ANKMY2: variants seen among roughly 807,000 people sequenced by gnomAD.
ANKMY2 encodes ankyrin repeat and MYND domain-containing protein 2.
ANKMY2 carries 36 observed loss-of-function variants against 50.4 expected under a neutral mutation model. The ratio of observed to expected loss-of-function variants is 0.71; its 90% CI spans 0.55 to 0.94. The LOEUF (loss-of-function observed/expected upper bound fraction) is 0.94, where lower values mean the gene tolerates loss of function less well. Among genes scored for constraint, ANKMY2 ranks in the 40% least tolerant of loss-of-function variants. ANKMY2 has a pLI of 0.00. For missense variants in ANKMY2, 565 were observed against 524.0 expected (o/e 1.08, Z -0.76); for synonymous variants, 187 against 178.8 (o/e 1.05, Z -0.36).
At chr7:16,607,779 A>T (rs1781185162) in intron 7 of ANKMY2, among the ~76,000 whole-genome samples, 1 of 150,624 alleles carries the variant, frequency 6.6e-6, no homozygotes, top group Non-Finnish European at 1.5e-5. Context: ...TGGAAATCCC[A>T]CATAACAGGT....
chr7:16,600,359 C>G lies in ANKMY2; in HGVS notation c.*402G>C, dbSNP rs553364489. On this transcript the variant is annotated 3_prime_UTR_variant, in exon 10 of 10. Transcript: ENST00000306999. ...CACATATAAGTTATGATTTTTCTAA[C>G]TACCCTCTGTAGCTATAAATTTTTC... The G allele has an allele frequency of 6.5e-6, 1 of 154,824 alleles. No individual in the cohort carries two copies. Among genetic ancestry groups the G allele is most frequent in the Non-Finnish European group, 1.4e-5 (1 of 69,678 alleles). The allele number at this position is 154,824 out of a possible 1,614,324, so 9.6% of individuals were successfully genotyped here.
At chr7:16,609,403 G>A (rs372687311) in intron 7 of ANKMY2, among the ~76,000 whole-genome samples, 6 of 152,142 alleles carry the variant, frequency 3.9e-5, no homozygotes, top group Non-Finnish European at 5.9e-5. Context: ...TCAACATAGC[G>A]ACGTCCTGTT....
chr7:16,622,757 TAAATAA>T, intron 4 of ANKMY2, among the ~76,000 whole-genome samples: 1 of 65,680 alleles, frequency 1.5e-5, no homozygotes, highest in Non-Finnish European at 3.4e-5. Context: ...AATGAATAAA[TAAATAA>T]ATAAATAAAT....
intron 5 of ANKMY2, among the ~76,000 whole-genome samples, chr7:16,614,225 G>A (rs1781304748): frequency 6.6e-6 from 1 of 152,188 alleles, no homozygotes; most frequent in Non-Finnish European, 1.5e-5. Context: ...CCCTAGGTAT[G>A]CTGGGAGGGA....
intron 2 of ANKMY2, among the ~76,000 whole-genome samples, chr7:16,628,275 T>C (rs1490954522): frequency 6.6e-6 from 1 of 152,166 alleles, no homozygotes; most frequent in Non-Finnish European, 1.5e-5. Context: ...TCTTGATGCT[T>C]CCAGATTATT....
intron 1 of ANKMY2, among the ~76,000 whole-genome samples, chr7:16,639,608 T>A (rs1184957609): frequency 6.6e-6 from 1 of 152,038 alleles, no homozygotes; most frequent in East Asian, 1.9e-4. Flanking sequence ...TGAGACCCCA[T>A]CTCTACAAAA....
chr7:16,605,417 A>G lies in ANKMY2; in HGVS notation c.883-568T>C, dbSNP rs184769078. On this transcript the variant is annotated intron_variant, in intron 7 of 9. Coordinates refer to ENST00000306999, the MANE Select transcript of ANKMY2 (RefSeq NM_020319.3). ...AACACACATGCAGCAATTGAATCAA[A>G]GTATTAAGAAAAACCAAATGTGTGA... Among the ~76,000 whole-genome samples the G allele has an allele frequency of 7.2e-3, 1,090 of 152,346 alleles. 9 individuals are homozygous for G. Among genetic ancestry groups the G allele is most frequent in the African/African-American group, 0.025 (1,052 of 41,584 alleles).
At chr7:16,615,667 G>A (rs755617221) in intron 5 of ANKMY2, 77 bp downstream of exon 5, 22 of 1,571,344 alleles carry the variant, frequency 1.4e-5, no homozygotes, top group Middle Eastern at 1.7e-4. Flanking sequence ...AGACAATTAT[G>A]ATCCTGTATA....
intron 9 of ANKMY2, among the ~76,000 whole-genome samples, chr7:16,601,325 G>A (rs928245130): frequency 1.3e-5 from 2 of 152,196 alleles, no homozygotes; most frequent in African/African-American, 4.8e-5. Flanking sequence ...TAATATGCAG[G>A]TAATAAAGGC....
chr7:16,628,372 C>T (rs1781535030), intron 2 of ANKMY2, among the ~76,000 whole-genome samples: 1 of 152,070 alleles, frequency 6.6e-6, no homozygotes, highest in African/African-American at 2.4e-5. Context: ...GAGGCTGGGA[C>T]CTTTCAGTTG....
chr7:16,613,001 A>C (rs1781279683), intron 5 of ANKMY2, among the ~76,000 whole-genome samples: 1 of 152,164 alleles, frequency 6.6e-6, no homozygotes, highest in African/African-American at 2.4e-5. Flanking sequence ...CCTATTTTTA[A>C]AAACTGCTAA....
chr7:16,603,323 G>T (rs368347960), intron 8 of ANKMY2, among the ~76,000 whole-genome samples: 69 of 152,306 alleles, frequency 4.5e-4, no homozygotes, highest in African/African-American at 1.6e-3. Context: ...ATGTAAGAGT[G>T]ATGGAGGCAT....
intron 9 of ANKMY2, among the ~76,000 whole-genome samples, chr7:16,601,787 T>A (rs1216483033): frequency 6.6e-6 from 1 of 152,160 alleles, no homozygotes; most frequent in Non-Finnish European, 1.5e-5. Flanking sequence ...TCCAATCTGA[T>A]AATCACTGCT....
At chr7:16,617,917 GTTTTTTT>G (rs780533044) in intron 4 of ANKMY2, among the ~76,000 whole-genome samples, 27 of 110,902 alleles carry the variant, frequency 2.4e-4, no homozygotes, top group African/African-American at 9.1e-4. Flanking sequence ...CAGTGAGCGT[GTTTTTTT>G]TTTTTTTTTT....
rs1781228892 is a variant in ANKMY2 at position 16,610,415 on chromosome 7, A to G, written c.746+134T>C. ...AGTATAATATTATTCTCTGTTTGTC[A>G]AAGACTAAATGTGAGTCCAACAACA... is the stretch of plus-strand genomic sequence containing the variant. On this transcript the variant is annotated intron_variant, in intron 6 of 9. Coordinates refer to ENST00000306999, the MANE Select transcript of ANKMY2 (RefSeq NM_020319.3). The G allele has an allele frequency of 7.4e-6, 5 of 672,522 alleles. No individual in the cohort carries two copies. In the South Asian group the frequency reaches 9.9e-5, roughly 13 times the overall value. 41.7% of individuals were successfully genotyped at this position (672,522 alleles called of 1,614,324 possible).
chr7:16,643,783 C>CCGAG (rs1425741819), intron 1 of ANKMY2, among the ~76,000 whole-genome samples: 1 of 151,328 alleles, frequency 6.6e-6, no homozygotes, highest in African/African-American at 2.5e-5. Flanking sequence ...CTTAGGGAGG[C>CCGAG]CGAGGCAGGA....
At chr7:16,632,195 T>G (rs1465330759) in intron 2 of ANKMY2, among the ~76,000 whole-genome samples, 2 of 151,854 alleles carry the variant, frequency 1.3e-5, no homozygotes, top group Admixed American at 1.3e-4. Flanking sequence ...GTATCTATAT[T>G]TTGGTTTTAA....
At chr7:16,614,421 A>G (rs1781308292) in intron 5 of ANKMY2, among the ~76,000 whole-genome samples, 1 of 152,214 alleles carries the variant, frequency 6.6e-6, no homozygotes, top group Non-Finnish European at 1.5e-5. Flanking sequence ...AAATAAAAAT[A>G]GCAGATTCCA....
chr7:16,603,863 C>G (rs1266790579), intron 8 of ANKMY2, among the ~76,000 whole-genome samples: 1 of 152,240 alleles, frequency 6.6e-6, no homozygotes, highest in Admixed American at 6.5e-5. Flanking sequence ...TGGAGCACAA[C>G]TGCCCCAGCT....
Sources: gnomAD v4.1 joint callset for allele counts (sites outside exome capture counted in the v4.1 genomes callset) on GRCh38, gnomAD v4.1.1 for gene constraint, MANE v1.5 for transcripts, NCBI Gene and HGNC (gene_info 2026-07-23, HGNC 2026-07-21) for gene names.